The following RUNDC3B variants were observed in gnomAD, a reference collection of about 807,000 sequenced individuals.
RUNDC3B encodes the protein RUN domain containing 3B.
A neutral mutation model predicts 58.4 loss-of-function variants in RUNDC3B; 33 were observed. The ratio of observed to expected loss-of-function variants is 0.56; its 90% confidence interval spans 0.43 to 0.75. The LOEUF is 0.75. Among genes scored for constraint, RUNDC3B ranks in the 30% least tolerant of loss-of-function variants. The pLI is 0.00. For missense variants in RUNDC3B, 501 were observed against 535.7 expected (o/e 0.94, Z 0.64); for synonymous variants, 193 against 195.2 (o/e 0.99, Z 0.10).
chr7:87,770,199 G>A (rs1028775440), intron 6 of RUNDC3B, among the ~76,000 whole-genome samples: 1 of 152,062 alleles, frequency 6.6e-6, no homozygotes, highest in Non-Finnish European at 1.5e-5. Context: ...TGAAGATTGA[G>A]CAGGCAGCAA....
intron 6 of RUNDC3B, among the ~76,000 whole-genome samples, chr7:87,749,697 A>G (rs1001719470): frequency 3.9e-5 from 6 of 152,056 alleles, no homozygotes; most frequent in African/African-American, 7.2e-5. Context: ...TTATTTAGGA[A>G]GTAATACATA....
chr7:87,777,186 A>G (rs1450631716), intron 7 of RUNDC3B, among the ~76,000 whole-genome samples: 2 of 152,236 alleles, frequency 1.3e-5, no homozygotes, highest in Non-Finnish European at 2.9e-5. Context: ...GTAATTATAC[A>G]TTGCATGCAG....
At chr7:87,729,206 C>T (rs1563167441) in intron 4 of RUNDC3B, among the ~76,000 whole-genome samples, 1 of 152,032 alleles carries the variant, frequency 6.6e-6, no homozygotes, top group Non-Finnish European at 1.5e-5. Context: ...AACAATTGTC[C>T]TCCCTATAGG....
At chr7:87,742,571 GATAA>G (rs201664628) in intron 6 of RUNDC3B, among the ~76,000 whole-genome samples, 104 of 140,286 alleles carry the variant, frequency 7.4e-4, no homozygotes, top group Admixed American at 4.2e-3. Context: ...TTCCATCATA[GATAA>G]ATAGATAGAT....
chr7:87,723,206 A>G (rs1831011874), intron 4 of RUNDC3B, among the ~76,000 whole-genome samples: 1 of 152,212 alleles, frequency 6.6e-6, no homozygotes, highest in African/African-American at 2.4e-5. Flanking sequence ...AAATAGACAA[A>G]TACCTAATAA....
intron 2 of RUNDC3B, among the ~76,000 whole-genome samples, chr7:87,677,004 G>T (rs1484930095): frequency 6.6e-6 from 1 of 152,040 alleles, no homozygotes; most frequent in Non-Finnish European, 1.5e-5. Flanking sequence ...GTGGAGAAAA[G>T]GGAACCTTCC....
At position 87,628,596 on chromosome 7, in the gene RUNDC3B, T is replaced by C. The variant is rs866554605; in HGVS notation, c.-228T>C. On this transcript the variant is annotated 5_prime_UTR_variant, in exon 1 of 11. Coordinates refer to ENST00000394654, the MANE Select transcript of RUNDC3B (RefSeq NM_001134405.2). ...TGGTGCGTGCGTGCGTGTGTGTGTG[T>C]GTGTGTGTGTGTGTGTGTGTGTGTG... is the stretch of plus-strand genomic sequence containing the variant. 6.5e-3 allele frequency: 1,596 copies of C among 246,440 alleles called. 4 individuals are homozygous for C. Among genetic ancestry groups the C allele is most frequent in the Middle Eastern group, 0.012 (9 of 772 alleles). 15.3% of individuals were successfully genotyped at this position (246,440 alleles called of 1,614,324 possible).
chr7:87,729,370 C>T (rs1443279359), intron 4 of RUNDC3B, among the ~76,000 whole-genome samples: 4 of 152,210 alleles, frequency 2.6e-5, no homozygotes, highest in Non-Finnish European at 5.9e-5. Flanking sequence ...ACCAGCCCTC[C>T]TTCATCCCCC....
chr7:87,768,997 C>T (rs954874147), intron 6 of RUNDC3B, among the ~76,000 whole-genome samples: 2 of 151,512 alleles, frequency 1.3e-5, no homozygotes, highest in African/African-American at 4.9e-5. Flanking sequence ...CATTATTGTC[C>T]AACCACCACC....
At chr7:87,824,489 C>A (rs1053565982) in intron 10 of RUNDC3B, among the ~76,000 whole-genome samples, 1 of 152,136 alleles carries the variant, frequency 6.6e-6, no homozygotes, top group African/African-American at 2.4e-5. Context: ...ATTGCCTAGT[C>A]TTGGGTACGT....
chr7:87,767,755 C>G (rs1433660216), intron 6 of RUNDC3B, among the ~76,000 whole-genome samples: 1 of 152,100 alleles, frequency 6.6e-6, no homozygotes, highest in African/African-American at 2.4e-5. Context: ...ATAGGATGCA[C>G]TGAGGTCTCT....
intron 7 of RUNDC3B, among the ~76,000 whole-genome samples, chr7:87,772,393 C>G (rs904580315): frequency 1.3e-5 from 2 of 151,160 alleles, no homozygotes; most frequent in Non-Finnish European, 2.9e-5. Flanking sequence ...CAGTAGAACA[C>G]TATTACATAG....
intron 6 of RUNDC3B, among the ~76,000 whole-genome samples, 175 bp from the exon 7 acceptor site, chr7:87,770,406 A>G (rs1834212994): frequency 6.6e-6 from 1 of 152,068 alleles, no homozygotes; most frequent in African/African-American, 2.4e-5. Flanking sequence ...TCAGCAGCCC[A>G]TGCTAACTTG....
chr7:87,762,223 A>G (rs1833731580), intron 6 of RUNDC3B, among the ~76,000 whole-genome samples: 1 of 151,646 alleles, frequency 6.6e-6, no homozygotes, highest in Non-Finnish European at 1.5e-5. Context: ...TATTAAAATT[A>G]TTCATATAGT....
At chr7:87,645,685 TTAGA>T (rs1204279874) in intron 1 of RUNDC3B, among the ~76,000 whole-genome samples, 2 of 152,208 alleles carry the variant, frequency 1.3e-5, no homozygotes, top group South Asian at 4.1e-4. Flanking sequence ...GTGATATTTC[TTAGA>T]TATATTAAAA....
chr7:87,712,717 TTCAGCTCTA>T (rs1431451115), intron 4 of RUNDC3B, among the ~76,000 whole-genome samples: 1 of 152,048 alleles, frequency 6.6e-6, no homozygotes, highest in Non-Finnish European at 1.5e-5. Flanking sequence ...AAGGAAATGA[TTCAGCTCTA>T]AAAAAGTACA....
chr7:87,702,142 CAA>C (rs146127516), intron 3 of RUNDC3B, among the ~76,000 whole-genome samples: 5 of 16,774 alleles, frequency 3.0e-4, no homozygotes, highest in South Asian at 6.6e-3. Context: ...GACTCTGTCT[CAA>C]AAAAAAAAAA....
In RUNDC3B at chr7:87,791,681, C is replaced by T. The variant is rs562840297; in HGVS notation, c.956+13726C>T. Among the ~76,000 whole-genome samples the T allele has an allele frequency of 2.0e-5, 3 of 151,752 alleles. No homozygotes were observed. The East Asian group carries it at 5.8e-4, about 29-fold the overall frequency. Reference sequence around the variant, plus strand: ...TGGGTTATAAGACAGAATTTGGAAGCCTGATGGTAACTACAAATTGAAAAA... The same window carrying T: ...TGGGTTATAAGACAGAATTTGGAAGTCTGATGGTAACTACAAATTGAAAAA... On this transcript the variant is annotated intron_variant, in intron 8 of 10. Transcript: ENST00000394654.
intron 6 of RUNDC3B, among the ~76,000 whole-genome samples, chr7:87,751,366 C>CT (rs938467735): frequency 1.3e-5 from 2 of 152,096 alleles, no homozygotes; most frequent in African/African-American, 4.8e-5. Context: ...GATGCGGGCT[C>CT]TTTTTTTATT....
Sources: allele counts gnomAD v4.1 joint callset (sites outside exome capture counted in the v4.1 genomes callset), GRCh38; gene constraint gnomAD v4.1.1; transcripts MANE v1.5; gene names NCBI Gene and HGNC (gene_info 2026-07-23, HGNC 2026-07-21).